TBC1D31: variants seen among roughly 807,000 people sequenced by gnomAD.
TBC1D31 encodes the protein WD repeat domain 67.
Under a neutral mutation model 132.9 loss-of-function variants are expected in TBC1D31, and 99 were observed. That is an observed-to-expected ratio of 0.74 (90% confidence interval 0.63 to 0.88). The LOEUF is 0.88. Ranked by LOEUF, TBC1D31 falls within the 40% of genes least tolerant of loss-of-function variation. The pLI, the probability that TBC1D31 is intolerant of heterozygous loss-of-function variation, is 0.00. For missense variants in TBC1D31, 1,134 were observed against 1,256.6 expected, an observed-to-expected ratio of 0.90 and a Z score of 1.48; for synonymous variants, 385 against 419.4, an observed-to-expected ratio of 0.92 and a Z score of 1.00.
intron 6 of TBC1D31, chr8:123,097,670 A>G: frequency 2.5e-6 from 1 of 405,716 alleles, no homozygotes; most frequent in Non-Finnish European, 4.3e-6. Flanking sequence ...CTGTAAATTT[A>G]TATTGTACTT....
At chr8:123,132,403 C>CTTTTTTTTTTT (rs34901750) in intron 16 of TBC1D31, among the ~76,000 whole-genome samples, 2 of 55,442 alleles carry the variant, frequency 3.6e-5, no homozygotes, top group African/African-American at 7.2e-5. Flanking sequence ...TTTTTTAAGT[C>CTTTTTTTTTTT]TTTTTTTTTT....
chr8:123,130,100 T>C (rs1229822392), intron 15 of TBC1D31, 98 bp from the exon 16 acceptor site: 2 of 1,190,296 alleles, frequency 1.7e-6, no homozygotes, highest in East Asian at 2.5e-5. Flanking sequence ...AGGATATCAA[T>C]TGTATTGAAA....
chr8:123,156,879 G>A (rs1229977914), downstream of TBC1D31, among the ~76,000 whole-genome samples: 3 of 152,186 alleles, frequency 2.0e-5, no homozygotes. Context: ...ACTCGGCCGC[G>A]CTCGCAGCGC....
intron 4 of TBC1D31, among the ~76,000 whole-genome samples, chr8:123,086,383 C>A (rs2385162): frequency 1.3e-5 from 2 of 152,192 alleles, no homozygotes; most frequent in Admixed American, 6.5e-5. Flanking sequence ...TTATTGCTCC[C>A]CAAACACAAA....
At chr8:123,128,637 G>A (rs2130799613) in intron 14 of TBC1D31, 124 bp downstream of exon 14, 1 of 716,194 alleles carries the variant, frequency 1.4e-6, no homozygotes, top group East Asian at 2.8e-5. Context: ...AGCACTTTGG[G>A]AGGCCAAGGC....
intron 11 of TBC1D31, among the ~76,000 whole-genome samples, chr8:123,123,834 C>A (rs1286668441): frequency 6.6e-6 from 1 of 152,098 alleles, no homozygotes; most frequent in East Asian, 1.9e-4. Flanking sequence ...ATAGTTAACA[C>A]CCTATCGAAT....
chr8:123,143,308 A>AATGATAATCCC (rs1821883620), intron 19 of TBC1D31, among the ~76,000 whole-genome samples: 1 of 152,264 alleles, frequency 6.6e-6, no homozygotes, highest in South Asian at 2.1e-4. Context: ...TTATCATCCC[A>AATGATAATCCC]AATAAAATTA....
downstream of TBC1D31, among the ~76,000 whole-genome samples, chr8:123,157,137 T>C (rs115764148): frequency 0.01 from 1,524 of 152,086 alleles, 26 homozygotes; most frequent in African/African-American, 0.035. Context: ...TCGTCGCAGA[T>C]ATGTCTTTTC....
the TBC1D31 span, among the ~76,000 whole-genome samples, chr8:123,159,236 C>T: frequency 6.7e-6 from 1 of 149,124 alleles, no homozygotes; most frequent in Non-Finnish European, 1.5e-5. Flanking sequence ...TCACCACTTC[C>T]ACAGTTATTC....
rs778155550 is a variant in TBC1D31, at chr8:123,124,067, G to GA, written c.1571-1973dup. 2.3e-3 allele frequency among the ~76,000 whole-genome samples: 285 copies of GA among 121,426 alleles called. 1 individual carries two copies. The highest frequency in any genetic ancestry group is 0.012 in the Middle Eastern group (3 of 248). The allele number at this position is 121,426 out of a possible 152,430, so 79.7% of individuals were successfully genotyped here. Reference sequence around the variant, plus strand: ...GTTAACTGAATACCACTCCATAATTGAAAAAAAAAAAAAAAAGTTGCAACT... The same window carrying GA: ...GTTAACTGAATACCACTCCATAATTGAAAAAAAAAAAAAAAAAGTTGCAACT... On this transcript the variant is annotated intron_variant, in intron 11 of 21. Coordinates refer to ENST00000287380, the MANE Select transcript of TBC1D31 (RefSeq NM_145647.4).
chr8:123,134,678 T>C (rs1457611801), intron 17 of TBC1D31, among the ~76,000 whole-genome samples: 1 of 152,250 alleles, frequency 6.6e-6, no homozygotes, highest in Non-Finnish European at 1.5e-5. Context: ...TGTCTGAATG[T>C]ACAGTTTGTT....
At chr8:123,157,302 C>T in the TBC1D31 span, among the ~76,000 whole-genome samples, 3 of 152,204 alleles carry the variant, frequency 2.0e-5, no homozygotes, top group Non-Finnish European at 4.4e-5. Context: ...GCTAACGAGG[C>T]ACCTAGTAAG....
chr8:123,072,907 C>T, intron 1 of TBC1D31, 61 bp downstream of exon 1: 1 of 1,491,556 alleles, frequency 6.7e-7, no homozygotes, highest in Non-Finnish European at 9.1e-7. Flanking sequence ...GAGGAGGGGA[C>T]GCCGGGCGTC....
intron 7 of TBC1D31, among the ~76,000 whole-genome samples, chr8:123,101,375 A>G (rs1817399335): frequency 6.6e-6 from 1 of 152,092 alleles, no homozygotes; most frequent in African/African-American, 2.4e-5. Flanking sequence ...TCCAGTCAAT[A>G]CTAAGTCATA....
chr8:123,132,547 G>A (rs1220049204), intron 16 of TBC1D31, among the ~76,000 whole-genome samples: 1 of 150,636 alleles, frequency 6.6e-6, no homozygotes, highest in Non-Finnish European at 1.5e-5. Context: ...CTGAGCAGAT[G>A]GGATTACAGG....
chr8:123,138,898 C>G (rs1340284874), intron 17 of TBC1D31, among the ~76,000 whole-genome samples: 1 of 152,144 alleles, frequency 6.6e-6, no homozygotes, highest in Non-Finnish European at 1.5e-5. Context: ...CAACTTCTGC[C>G]TCCCGGGCTC....
rs1282464767 is a variant in TBC1D31 at position 123,128,928 on chromosome 8, G to C, written c.2118-138G>C. On this transcript the variant is annotated intron_variant, in intron 14 of 21. Coordinates refer to ENST00000287380, the MANE Select transcript of TBC1D31 (RefSeq NM_145647.4). ...GAGTATTTGTGTAAAATCAGAGTTT[G>C]AAGGCTAGAAATATTAAAGATAGTT... The C allele has an allele frequency of 5.0e-6, 3 of 594,496 alleles. No individual in the cohort carries two copies. In the African/African-American group the frequency reaches 5.8e-5, roughly 11 times the overall value. The allele number at this position is 594,496 out of a possible 1,614,324, so 36.8% of individuals were successfully genotyped here. A position where few individuals can be genotyped will look rare whatever the true frequency, so the allele number is the denominator to read the frequency against.
intron 4 of TBC1D31, among the ~76,000 whole-genome samples, chr8:123,090,350 G>A (rs1816206083): frequency 6.6e-6 from 1 of 152,128 alleles, no homozygotes; most frequent in Non-Finnish European, 1.5e-5. Context: ...TGCTTCTCAG[G>A]TAAACCAGTT....
intron 10 of TBC1D31, among the ~76,000 whole-genome samples, chr8:123,116,750 G>A (rs1488463185): frequency 2.0e-5 from 3 of 152,166 alleles, no homozygotes; most frequent in Admixed American, 6.5e-5. Flanking sequence ...ACAAGGGCAC[G>A]TGACTCAACC....
Sources: allele counts gnomAD v4.1 joint callset (sites outside exome capture counted in the v4.1 genomes callset), GRCh38; gene constraint gnomAD v4.1.1; transcripts MANE v1.5; gene names NCBI Gene and HGNC (gene_info 2026-07-23, HGNC 2026-07-21).